The following LRRC7 variants were observed in gnomAD, a reference collection of about 807,000 sequenced individuals.
The protein encoded by LRRC7 is leucine-rich repeat-containing protein 7.
LRRC7 carries 23 observed loss-of-function variants against 175.7 expected under a neutral mutation model. That is an observed-to-expected ratio of 0.13 (90% CI 0.09 to 0.19). LRRC7 has a LOEUF of 0.19. Among genes scored for constraint, LRRC7 ranks in the 10% least tolerant of loss-of-function variants. The pLI, the probability that LRRC7 is intolerant of heterozygous loss-of-function variation, is 1.00. For synonymous variants in LRRC7, 685 were observed against 680.9 expected, an observed-to-expected ratio of 1.01 and a Z score of -0.09; for missense variants, 1,354 against 1,904.7, an observed-to-expected ratio of 0.71 and a Z score of 5.38.
chr1:69,678,759 TC>T (rs1373738114), intron 2 of LRRC7, among the ~76,000 whole-genome samples: 2 of 152,122 alleles, frequency 1.3e-5, no homozygotes, highest in Non-Finnish European at 2.9e-5. Context: ...GACAGATCTT[TC>T]TTGTATATTT....
intron 25 of LRRC7, among the ~76,000 whole-genome samples, chr1:70,102,830 GC>G (rs1159942556): frequency 6.6e-6 from 1 of 152,076 alleles, no homozygotes; most frequent in African/African-American, 2.4e-5. Flanking sequence ...AAGTTAACTT[GC>G]CCAAGGTCAC....
chr1:69,833,728 C>A (rs1287119722), intron 5 of LRRC7, among the ~76,000 whole-genome samples: 1 of 151,850 alleles, frequency 6.6e-6, no homozygotes, highest in East Asian at 2.0e-4. Flanking sequence ...AGCGTAGGAT[C>A]CGAAATAAAA....
intron 24 of LRRC7, among the ~76,000 whole-genome samples, chr1:70,078,425 T>A (rs1171070348): frequency 6.6e-6 from 1 of 152,118 alleles, no homozygotes; most frequent in Non-Finnish European, 1.5e-5. Flanking sequence ...GTTGAAGTTG[T>A]GGGAAAAATT....
chr1:69,863,857 T>TA (rs1047173404), intron 7 of LRRC7, among the ~76,000 whole-genome samples: 5 of 152,174 alleles, frequency 3.3e-5, no homozygotes, highest in Non-Finnish European at 7.4e-5. Context: ...TTAAAAACCA[T>TA]AATAACTTCA....
intron 1 of LRRC7, among the ~76,000 whole-genome samples, chr1:69,636,174 G>T (rs1653324252): frequency 6.6e-6 from 1 of 151,800 alleles, no homozygotes; most frequent in South Asian, 2.1e-4. Flanking sequence ...CTTGAAAAAA[G>T]AATGGCCAGA....
chr1:70,077,620 A>G (rs1221908621), intron 24 of LRRC7, among the ~76,000 whole-genome samples: 3 of 152,134 alleles, frequency 2.0e-5, no homozygotes, highest in South Asian at 2.1e-4. Context: ...GATTAATGCT[A>G]TCGGTTTTCG....
chr1:69,715,784 C>T (rs1665277177), intron 2 of LRRC7, among the ~76,000 whole-genome samples: 1 of 151,310 alleles, frequency 6.6e-6, no homozygotes, highest in Non-Finnish European at 1.5e-5. Flanking sequence ...TTTATAAATT[C>T]AAGATAAGGA....
At chr1:69,915,867 C>T (rs986939372) in intron 7 of LRRC7, among the ~76,000 whole-genome samples, 1 of 150,342 alleles carries the variant, frequency 6.7e-6, no homozygotes, top group African/African-American at 2.4e-5. Context: ...ATAACAGTAA[C>T]CCTATAACAT....
At chr1:69,987,504 T>A (rs909534575) in intron 10 of LRRC7, among the ~76,000 whole-genome samples, 5 of 152,250 alleles carry the variant, frequency 3.3e-5, no homozygotes, top group Admixed American at 2.6e-4. Context: ...TGTGGTGCTC[T>A]TATCCTTCGT....
chr1:69,700,805 A>C (rs1446683645), intron 2 of LRRC7, among the ~76,000 whole-genome samples: 1 of 152,154 alleles, frequency 6.6e-6, no homozygotes, highest in South Asian at 2.1e-4. Context: ...TGAAATTACT[A>C]TGTCCCCATT....
At chr1:69,898,774 C>T (rs1337403688) in intron 7 of LRRC7, among the ~76,000 whole-genome samples, 2 of 152,212 alleles carry the variant, frequency 1.3e-5, no homozygotes, top group South Asian at 2.1e-4. Context: ...TGACTTGTAT[C>T]GCCTGAGCGC....
chr1:69,928,351 C>T (rs1647159412), intron 7 of LRRC7, among the ~76,000 whole-genome samples: 2 of 152,204 alleles, frequency 1.3e-5, no homozygotes, highest in Admixed American at 1.3e-4. Context: ...CAGACAGGGA[C>T]GTTTAAGTCT....
chr1:69,805,512 C>G (rs969947443), intron 4 of LRRC7, among the ~76,000 whole-genome samples: 4 of 151,738 alleles, frequency 2.6e-5, no homozygotes, highest in Non-Finnish European at 5.9e-5. Context: ...GAGTAAAGCT[C>G]ATTATTTTAT....
intron 7 of LRRC7, among the ~76,000 whole-genome samples, chr1:69,839,868 T>G (rs1681535318): frequency 6.6e-6 from 1 of 152,042 alleles, no homozygotes; most frequent in African/African-American, 2.4e-5. Flanking sequence ...ATGAAATAGC[T>G]GTGTGAATAA....
At chr1:69,584,154 T>G (rs1646311773) in intron 1 of LRRC7, among the ~76,000 whole-genome samples, 1 of 152,112 alleles carries the variant, frequency 6.6e-6, no homozygotes. Context: ...GAAAGTGAAC[T>G]CCAGGCTGAT....
chr1:70,029,926 TG>T (rs1272259226), intron 18 of LRRC7, among the ~76,000 whole-genome samples: 1 of 152,182 alleles, frequency 6.6e-6, no homozygotes, highest in African/African-American at 2.4e-5. Context: ...AACTTGCTTT[TG>T]CTTTCATGTT....
intron 2 of LRRC7, among the ~76,000 whole-genome samples, chr1:69,687,448 T>G (rs1480795094): frequency 7.3e-6 from 1 of 136,762 alleles, no homozygotes; most frequent in East Asian, 2.1e-4. Context: ...AGGCGGAGGT[T>G]GCAGTGAGCC....
At chr1:69,911,115 C>G (rs145273995) in intron 7 of LRRC7, among the ~76,000 whole-genome samples, 5 of 152,324 alleles carry the variant, frequency 3.3e-5, no homozygotes, top group African/African-American at 1.2e-4. Context: ...CTTTCTTTGA[C>G]TAGGAAAGGG....
intron 3 of LRRC7, among the ~76,000 whole-genome samples, chr1:69,789,286 A>T (rs1161581531): frequency 1.3e-5 from 2 of 152,100 alleles, no homozygotes; most frequent in African/African-American, 4.8e-5. Flanking sequence ...TTGTTTTTGA[A>T]ATGTAAAATA....
Sources: gnomAD v4.1 joint callset for allele counts (sites outside exome capture counted in the v4.1 genomes callset) on GRCh38, gnomAD v4.1.1 for gene constraint, MANE v1.5 for transcripts, NCBI Gene and HGNC (gene_info 2026-07-23, HGNC 2026-07-21) for gene names.